The following CYTH1 variants were observed in gnomAD, a reference collection of about 807,000 sequenced individuals.
CYTH1 encodes cytohesin-1.
A neutral mutation model predicts 61.8 loss-of-function variants in CYTH1; 18 were observed. The observed-to-expected ratio is 0.29, with a 90% CI of 0.20 to 0.43. The LOEUF (loss-of-function observed/expected upper bound fraction) is 0.43, where lower values mean the gene tolerates loss of function less well. Ranked by LOEUF, CYTH1 falls within the 20% of genes least tolerant of loss-of-function variation. The pLI is 1.00. For synonymous variants in CYTH1, 174 were observed against 184.3 expected (o/e 0.94, Z 0.45); for missense variants, 336 against 510.5 (o/e 0.66, Z 3.29).
chr17:78,695,006 C>T (rs79243972), intron 10 of CYTH1, among the ~76,000 whole-genome samples: 3,417 of 152,192 alleles, frequency 0.022, 129 homozygotes, highest in African/African-American at 0.078. Flanking sequence ...CCTCCTGTGA[C>T]CTCCCCGAGA....
intron 1 of CYTH1, among the ~76,000 whole-genome samples, chr17:78,736,474 G>C (rs987661211): frequency 9.2e-5 from 14 of 151,862 alleles, no homozygotes; most frequent in African/African-American, 3.4e-4. Context: ...ACACCCGAGA[G>C]AGCCTCAGCT....
chr17:78,699,607 T>C (rs1328222974), intron 7 of CYTH1, among the ~76,000 whole-genome samples: 1 of 152,186 alleles, frequency 6.6e-6, no homozygotes, highest in East Asian at 1.9e-4. Flanking sequence ...TATCTAGCAA[T>C]AATTTATTTT....
intron 1 of CYTH1, among the ~76,000 whole-genome samples, chr17:78,781,459 C>T (rs2093517332): frequency 6.6e-6 from 1 of 152,214 alleles, no homozygotes; most frequent in Non-Finnish European, 1.5e-5. Flanking sequence ...GGGACAGCGG[C>T]TCCGCTTGCC....
intron 13 of CYTH1, chr17:78,676,952 A>G: frequency 2.2e-6 from 1 of 453,834 alleles, no homozygotes; most frequent in Non-Finnish European, 4.4e-6. Context: ...GATTTGTTCC[A>G]GAGCTCGGGC....
chr17:78,691,469 T>G (rs1377767168), intron 11 of CYTH1: 1 of 152,248 alleles, frequency 6.6e-6, no homozygotes, highest in Non-Finnish European at 1.5e-5. Context: ...ATGTTTTACT[T>G]AAGCCCCATT....
intron 1 of CYTH1, among the ~76,000 whole-genome samples, chr17:78,752,898 T>A (rs1176011940): frequency 6.6e-6 from 1 of 152,220 alleles, no homozygotes; most frequent in Non-Finnish European, 1.5e-5. Context: ...AACGCATGAA[T>A]TTTGTTGTTG....
rs544726856 is a variant in CYTH1, at chr17:78,747,402, C to CTAGA, written c.22+34796_22+34799dup. Among the ~76,000 whole-genome samples, 194 of 152,224 alleles carry CTAGA rather than the reference C, an allele frequency of 1.3e-3. 1 individual carries two copies. Among genetic ancestry groups the CTAGA allele is most frequent in the African/African-American group, 4.5e-3 (187 of 41,528 alleles). On this transcript the variant is annotated intron_variant, in intron 1 of 13. Transcript: ENST00000446868. ...CACTGCGGTCCCAATCTTGAAGGATCTAGAGGTCAACATCTGCGGGGAGGA... is the reference window on the plus strand; with the variant it reads ...CACTGCGGTCCCAATCTTGAAGGATCTAGATAGAGGTCAACATCTGCGGGGAGGA...
At chr17:78,721,841 C>CGA (rs1567859526) in intron 1 of CYTH1, among the ~76,000 whole-genome samples, 2 of 152,076 alleles carry the variant, frequency 1.3e-5, no homozygotes, top group Non-Finnish European at 1.5e-5. Flanking sequence ...GTAAGGAGTT[C>CGA]GAGACCAGCC....
intron 1 of CYTH1, among the ~76,000 whole-genome samples, chr17:78,757,378 T>C (rs985740677): frequency 1.3e-5 from 2 of 152,190 alleles, no homozygotes; most frequent in African/African-American, 4.8e-5. Context: ...GTCAAAGTTC[T>C]CCTTCTAATT....
At chr17:78,709,057 T>G (rs547277181) in intron 2 of CYTH1, 2 of 152,490 alleles carry the variant, frequency 1.3e-5, no homozygotes, top group African/African-American at 4.8e-5. Context: ...CTAGACTTAT[T>G]TCCTACAAGC....
chr17:78,740,792 T>C (rs1325154236), intron 1 of CYTH1, among the ~76,000 whole-genome samples: 1 of 152,230 alleles, frequency 6.6e-6, no homozygotes. Context: ...AAACTGGGAT[T>C]GTCTCTGGGA....
intron 10 of CYTH1, among the ~76,000 whole-genome samples, chr17:78,694,486 T>A (rs954356472): frequency 9.2e-5 from 14 of 152,240 alleles, no homozygotes; most frequent in African/African-American, 3.4e-4. Context: ...CAGAATTAAA[T>A]AAGGAGGATA....
intron 1 of CYTH1, among the ~76,000 whole-genome samples, chr17:78,736,386 A>AAT (rs1190369981): frequency 6.6e-6 from 1 of 151,956 alleles, no homozygotes; most frequent in Admixed American, 6.6e-5. Flanking sequence ...GAGTTACCTT[A>AAT]ATATCTCTCT....
At chr17:78,734,483 C>G (rs2093311414) in intron 1 of CYTH1, among the ~76,000 whole-genome samples, 1 of 132,150 alleles carries the variant, frequency 7.6e-6, no homozygotes, top group Non-Finnish European at 1.6e-5. Context: ...CTCTGTCACC[C>G]AGGCTGGAGT....
rs375635676 is a variant in CYTH1, at chr17:78,702,918, C to A, written c.171-314G>T. 2.8e-4 allele frequency among the ~76,000 whole-genome samples: 42 copies of A among 152,084 alleles called. No individual in the cohort carries two copies. In the East Asian group the frequency reaches 3.7e-3, roughly 13 times the overall value. On this transcript the variant is annotated intron_variant, in intron 3 of 13. Coordinates refer to ENST00000446868, the MANE Select transcript of CYTH1 (RefSeq NM_004762.6). Reference sequence around the variant, plus strand: ...CTCATTGCAACCTCTGCCTCCTGGGCTCAAGTGATCCTCCCACCTCAGCCT... The same window carrying A: ...CTCATTGCAACCTCTGCCTCCTGGGATCAAGTGATCCTCCCACCTCAGCCT...
intron 1 of CYTH1, among the ~76,000 whole-genome samples, chr17:78,772,689 C>T (rs952877053): frequency 6.6e-6 from 1 of 151,824 alleles, no homozygotes. Flanking sequence ...AGGCGTGCAC[C>T]ACCACACCCA....
At chr17:78,761,510 G>A (rs1302816123) in intron 1 of CYTH1, among the ~76,000 whole-genome samples, 2 of 152,182 alleles carry the variant, frequency 1.3e-5, no homozygotes, top group African/African-American at 2.4e-5. Flanking sequence ...AGGCCGAGGC[G>A]GGCGGATCAC....
chr17:78,767,873 G>A (rs922696458), intron 1 of CYTH1, among the ~76,000 whole-genome samples: 2 of 152,122 alleles, frequency 1.3e-5, no homozygotes, highest in Non-Finnish European at 2.9e-5. Flanking sequence ...AGATTCAAAC[G>A]TTCTCTTAAT....
intron 1 of CYTH1, among the ~76,000 whole-genome samples, chr17:78,760,269 C>A (rs188027376): frequency 6.7e-6 from 1 of 149,246 alleles, no homozygotes; most frequent in Non-Finnish European, 1.5e-5. Context: ...CAAATTTAGA[C>A]ATATAAAGCT....
Sources: gnomAD v4.1 joint callset for allele counts (sites outside exome capture counted in the v4.1 genomes callset) on GRCh38, gnomAD v4.1.1 for gene constraint, MANE v1.5 for transcripts, NCBI Gene and HGNC (gene_info 2026-07-23, HGNC 2026-07-21) for gene names.